The following WWOX variants were observed in gnomAD, a reference collection of about 807,000 sequenced individuals.
WWOX encodes the protein WW domain-containing oxidoreductase.
A neutral mutation model predicts 46.2 loss-of-function variants in WWOX; 69 were observed. That is an observed-to-expected ratio of 1.49 (90% confidence interval 1.23 to 1.82). The LOEUF is 1.82. Among genes scored for constraint, WWOX ranks in the 40% most tolerant of loss-of-function variants. The pLI, the probability that WWOX is intolerant of heterozygous loss-of-function variation, is 0.00. For missense variants in WWOX, 919 were observed against 542.6 expected (o/e 1.69, Z -6.89); for synonymous variants, 359 against 202.6 (o/e 1.77, Z -6.56).
intron 8 of WWOX, among the ~76,000 whole-genome samples, chr16:79,182,717 A>G (rs776720450): frequency 6.6e-6 from 1 of 152,180 alleles, no homozygotes; most frequent in Non-Finnish European, 1.5e-5. Context: ...TACTATAAAT[A>G]TGGGATAATT....
chr16:78,457,182 A>G (rs2151419563), intron 8 of WWOX, among the ~76,000 whole-genome samples: 1 of 152,276 alleles, frequency 6.6e-6, no homozygotes, highest in South Asian at 2.1e-4. Context: ...TGTTGTCTTC[A>G]TTAATAGACC....
chr16:79,128,959 A>G (rs975554010), intron 8 of WWOX, among the ~76,000 whole-genome samples: 1 of 152,170 alleles, frequency 6.6e-6, no homozygotes, highest in African/African-American at 2.4e-5. Flanking sequence ...AGGCATCACC[A>G]AAGGGGGCCA....
rs150400920 is a variant in WWOX, at chr16:79,082,329, G to A, written c.1057-129279G>A. Among the ~76,000 whole-genome samples the A allele has an allele frequency of 1.6e-3, 251 of 152,276 alleles. 1 individual carries two copies. Among genetic ancestry groups the A allele is most frequent in the African/African-American group, 5.8e-3 (241 of 41,556 alleles). ...CTTCTTCCCAGGGTGTGACCTCAGC[G>A]GAGTTCCAGAGCATCCATCTCCTTT... On this transcript the variant is annotated intron_variant, in intron 8 of 8. Transcript: ENST00000566780.
chr16:78,948,760 T>A (rs1408634397), intron 8 of WWOX, among the ~76,000 whole-genome samples: 1 of 152,088 alleles, frequency 6.6e-6, no homozygotes. Context: ...TATGGTGGTG[T>A]TACGTAACAT....
intron 8 of WWOX, among the ~76,000 whole-genome samples, chr16:79,143,464 A>G (rs932128183): frequency 1.3e-5 from 2 of 152,198 alleles, no homozygotes; most frequent in African/African-American, 2.4e-5. Context: ...TGGCTCGGCT[A>G]AGTGGATTCT....
intron 8 of WWOX, among the ~76,000 whole-genome samples, chr16:79,086,180 G>A (rs2048851156): frequency 2.0e-5 from 3 of 151,938 alleles, no homozygotes. Flanking sequence ...TTTTCTCTTT[G>A]TAAAAATGAA....
At chr16:78,968,673 A>C (rs2046411275) in intron 8 of WWOX, among the ~76,000 whole-genome samples, 1 of 152,186 alleles carries the variant, frequency 6.6e-6, no homozygotes, top group South Asian at 2.1e-4. Flanking sequence ...TGATATCGGG[A>C]GAGGCAGAAT....
At chr16:78,897,459 C>A (rs80023798) in intron 8 of WWOX, 1 of 152,058 alleles carries the variant, frequency 6.6e-6, no homozygotes, top group Admixed American at 6.6e-5. Flanking sequence ...CTTAATGATT[C>A]ACATAATGTT....
intron 8 of WWOX, among the ~76,000 whole-genome samples, chr16:78,782,620 C>T (rs1379527877): frequency 6.6e-6 from 1 of 151,894 alleles, no homozygotes; most frequent in Admixed American, 6.6e-5. Context: ...ATGCAGGCTC[C>T]ATTAACCTTT....
In WWOX at chr16:79,110,213, A is replaced by G. The variant is rs188452052; in HGVS notation, c.1057-101395A>G. Among the ~76,000 whole-genome samples the G allele has an allele frequency of 2.6e-5, 4 of 152,270 alleles. No homozygotes were observed. In the East Asian group the frequency reaches 5.8e-4, roughly 22 times the overall value. ...GTCAGAAAACTTTCACTGATTGGCAACCACCAGGCAGGTAGGTTTGACTCA... is the reference window on the plus strand; with the variant it reads ...GTCAGAAAACTTTCACTGATTGGCAGCCACCAGGCAGGTAGGTTTGACTCA... On this transcript the variant is annotated intron_variant, in intron 8 of 8. Transcript: ENST00000566780.
Position 78,454,376 on chromosome 16 carries a change from G to A in WWOX, c.1056+21624G>A, listed in dbSNP as rs113434924. On this transcript the variant is annotated intron_variant, in intron 8 of 8. Coordinates refer to ENST00000566780, the MANE Select transcript of WWOX (RefSeq NM_016373.4). ...TATATTCGTGTGTGTGTGTGTGTGT[G>A]TGTGTATTATATGCATGTGTGTGTA... 1.4e-3 allele frequency among the ~76,000 whole-genome samples: 203 copies of A among 146,998 alleles called. 3 individuals are homozygous for A. The highest frequency in any genetic ancestry group is 5.6e-4 in the Non-Finnish European group (38 of 67,472).
At chr16:78,261,823 T>C (rs1430998230) in intron 5 of WWOX, among the ~76,000 whole-genome samples, 4 of 147,440 alleles carry the variant, frequency 2.7e-5, no homozygotes, top group East Asian at 2.0e-4. Flanking sequence ...TATATACTTA[T>C]AATGTGGTGG....
intron 4 of WWOX, among the ~76,000 whole-genome samples, chr16:78,159,598 A>C (rs1366594770): frequency 6.7e-6 from 1 of 148,454 alleles, no homozygotes; most frequent in Non-Finnish European, 1.5e-5. Context: ...GCCCCTTTTC[A>C]TACACTTGGC....
chr16:78,941,427 C>T lies in WWOX; in HGVS notation c.1057-270181C>T, dbSNP rs140305497. Among the ~76,000 whole-genome samples the T allele has an allele frequency of 9.1e-4, 138 of 151,516 alleles. 4 individuals carry two copies. In the East Asian group the frequency reaches 0.026, roughly 29 times the overall value. ...AGACAGAGCGTTAGCCGTTGCTCCT[C>T]GTAAGCGCATCATTACCTTCCTCCG... On this transcript the variant is annotated intron_variant, in intron 8 of 8. Coordinates refer to ENST00000566780, the MANE Select transcript of WWOX (RefSeq NM_016373.4).
intron 8 of WWOX, among the ~76,000 whole-genome samples, chr16:78,445,447 C>A (rs1414578643): frequency 6.6e-6 from 1 of 152,066 alleles, no homozygotes; most frequent in Non-Finnish European, 1.5e-5. Flanking sequence ...GTACAAGGTC[C>A]CTGTCCTCAT....
intron 5 of WWOX, among the ~76,000 whole-genome samples, chr16:78,311,349 T>G (rs938566156): frequency 1.3e-5 from 2 of 152,140 alleles, no homozygotes; most frequent in African/African-American, 2.4e-5. Flanking sequence ...AGAGTCAAGC[T>G]TGGAGAATTC....
At chr16:78,822,440 G>C (rs2051525676) in intron 8 of WWOX, among the ~76,000 whole-genome samples, 1 of 152,126 alleles carries the variant, frequency 6.6e-6, no homozygotes, top group African/African-American at 2.4e-5. Context: ...GTTGCAGTCA[G>C]CTGAGACTGC....
At chr16:78,547,121 G>T (rs2044052126) in intron 8 of WWOX, among the ~76,000 whole-genome samples, 1 of 85,068 alleles carries the variant, frequency 1.2e-5, no homozygotes, top group Non-Finnish European at 2.1e-5. Context: ...GTGAGACCTT[G>T]TCTCAGAAAA....
chr16:78,416,149 T>C (rs1416721146), intron 6 of WWOX, among the ~76,000 whole-genome samples: 1 of 152,188 alleles, frequency 6.6e-6, no homozygotes, highest in Non-Finnish European at 1.5e-5. Context: ...ACTAGTAACA[T>C]CAGTTTTTGG....
Sources: allele counts gnomAD v4.1 joint callset (sites outside exome capture counted in the v4.1 genomes callset), GRCh38; gene constraint gnomAD v4.1.1; transcripts MANE v1.5; gene names NCBI Gene and HGNC (gene_info 2026-07-23, HGNC 2026-07-21).